IQSEC3: variants seen among roughly 807,000 people sequenced by gnomAD.
IQSEC3 encodes IQ motif and Sec7 domain ArfGEF 3.
IQSEC3 carries 50 observed loss-of-function variants against 105.4 expected under a neutral mutation model. The observed-to-expected ratio is 0.47, with a 90% CI of 0.38 to 0.60. The LOEUF is 0.60. Ranked by LOEUF, IQSEC3 falls within the 20% of genes least tolerant of loss-of-function variation. The pLI is 0.00. For synonymous variants in IQSEC3, 708 were observed against 746.0 expected (o/e 0.95, Z 0.83); for missense variants, 1,415 against 1,630.0 (o/e 0.87, Z 2.27).
At chr12:104,661 C>G (rs1347125437) in intron 2 of IQSEC3, among the ~76,000 whole-genome samples, 1 of 152,246 alleles carries the variant, frequency 6.6e-6, no homozygotes, top group East Asian at 1.9e-4. Context: ...GCCGCCCGCC[C>G]TGGTGGCCCA....
chr12:115,996 A>G (rs1410141459), intron 2 of IQSEC3, among the ~76,000 whole-genome samples: 1 of 152,184 alleles, frequency 6.6e-6, no homozygotes, highest in African/African-American at 2.4e-5. Context: ...TATTCTTCCT[A>G]CTTTTCATTT....
intron 5 of IQSEC3, among the ~76,000 whole-genome samples, chr12:156,065 G>T (rs1196184629): frequency 6.6e-6 from 1 of 152,174 alleles, no homozygotes; most frequent in Non-Finnish European, 1.5e-5. Flanking sequence ...GGACTGGGAG[G>T]GTTCGGCCTC....
rs1939201152 is a variant in IQSEC3, at chr12:175,143, CCAT to C, written c.*114_*116del. Reference sequence around the variant, plus strand: ...ACGATGCGTTCCTGGTCACTGATCACCATCATTTTGGGAAGAGAATCCCAATCC... The same window carrying C: ...ACGATGCGTTCCTGGTCACTGATCACCATTTTGGGAAGAGAATCCCAATCC... On this transcript the variant is annotated 3_prime_UTR_variant, in exon 14 of 14. Transcript: ENST00000538872. 4.5e-6 allele frequency: 4 copies of C among 882,162 alleles called. No homozygotes were observed. The highest frequency in any genetic ancestry group is 6.6e-6 in the Non-Finnish European group (4 of 602,652). The allele number at this position is 882,162 out of a possible 1,614,324, so 54.6% of individuals were successfully genotyped here. A position where few individuals can be genotyped will look rare whatever the true frequency, so the allele number is the denominator to read the frequency against.
rs782427877 is a variant in IQSEC3, at chr12:141,074, T to C, written c.1992-50T>C. The C allele has an allele frequency of 8.5e-6, 13 of 1,531,276 alleles. No homozygotes were observed. The South Asian group carries it at 1.5e-4, about 18-fold the overall frequency. The allele number at this position is 1,531,276 out of a possible 1,614,324, so 94.9% of individuals were successfully genotyped here. On this transcript the variant is annotated intron_variant, in intron 4 of 13. Coordinates refer to ENST00000538872, the MANE Select transcript of IQSEC3 (RefSeq NM_001170738.2). ...GTGGAAGACAGGGAGGAAAGAGTCA[T>C]GGATGGCTTCAGCTCACTCTCTACT... is the stretch of plus-strand genomic sequence containing the variant.
intron 2 of IQSEC3, among the ~76,000 whole-genome samples, chr12:118,898 C>T (rs11832739): frequency 0.031 from 4,791 of 152,306 alleles, 192 homozygotes; most frequent in African/African-American, 0.096. Flanking sequence ...CTCACTACCC[C>T]GAGTCAGCTC....
intron 3 of IQSEC3, among the ~76,000 whole-genome samples, chr12:133,493 G>A (rs565687117): frequency 8.5e-5 from 13 of 152,334 alleles, no homozygotes; most frequent in African/African-American, 3.1e-4. Flanking sequence ...CCCCAGATCT[G>A]CCTCTTCCTT....
chr12:124,626 C>T lies in IQSEC3; in HGVS notation c.624-1007C>T, dbSNP rs117615318. ...GAGGCCATGGTGTTAACCACGATGA[C>T]TCTCCTCCTCTGGGAAATAGACAGT... On this transcript the variant is annotated intron_variant, in intron 2 of 13. Coordinates refer to ENST00000538872, the MANE Select transcript of IQSEC3 (RefSeq NM_001170738.2). Among the ~76,000 whole-genome samples the T allele has an allele frequency of 7.1e-3, 1,075 of 152,330 alleles. 7 individuals carry two copies. Among genetic ancestry groups the T allele is most frequent in the East Asian group, 0.032 (166 of 5,170 alleles).
intron 1 of IQSEC3, among the ~76,000 whole-genome samples, chr12:97,182 C>T (rs573081551): frequency 1.3e-5 from 2 of 152,336 alleles, no homozygotes; most frequent in Non-Finnish European, 2.9e-5. Context: ...TATTCCTATG[C>T]TTTGGCTGTT....
intron 1 of IQSEC3, among the ~76,000 whole-genome samples, chr12:69,057 A>G (rs1400978773): frequency 1.3e-5 from 2 of 152,158 alleles, no homozygotes; most frequent in African/African-American, 4.8e-5. Flanking sequence ...GCAAAAGGCA[A>G]CATTGTTCCA....
intron 5 of IQSEC3, chr12:148,010 C>T (rs1298147069): frequency 6.6e-6 from 1 of 152,138 alleles, no homozygotes; most frequent in Non-Finnish European, 1.5e-5. Context: ...TGTATTAAGC[C>T]CTGTTGTATA....
At chr12:77,075 GTGGGAATTTCCTGCT>G (rs1863561855) in intron 1 of IQSEC3, among the ~76,000 whole-genome samples, 1 of 152,280 alleles carries the variant, frequency 6.6e-6, no homozygotes, top group Non-Finnish European at 1.5e-5. Context: ...TGCAAAGCGG[GTGGGAATTTCCTGCT>G]TGGGTCTAGC....
intron 1 of IQSEC3, among the ~76,000 whole-genome samples, chr12:87,214 G>A (rs1249448058): frequency 2.6e-5 from 4 of 152,020 alleles, no homozygotes; most frequent in African/African-American, 9.7e-5. Context: ...TATCAGGATG[G>A]TCATCAAGCG....
chr12:134,632 G>A (rs1237314732), intron 3 of IQSEC3, among the ~76,000 whole-genome samples: 2 of 152,184 alleles, frequency 1.3e-5, no homozygotes, highest in Admixed American at 6.5e-5. Flanking sequence ...AGTGGCCCAC[G>A]CCTGTAATCC....
chr12:127,292 G>A lies in IQSEC3; in HGVS notation c.903+1380G>A, dbSNP rs554926818. Among the ~76,000 whole-genome samples, 35 of 152,132 alleles carry A rather than the reference G, an allele frequency of 2.3e-4. No individual in the cohort carries two copies. In the South Asian group the frequency reaches 2.7e-3, roughly 12 times the overall value. On this transcript the variant is annotated intron_variant, in intron 3 of 13. Transcript: ENST00000538872. ...TCCCAGCACTTTGGGAGGCCAAGGC[G>A]GGTGGATCACGAGGCCAGGAGTTTG...
intron 2 of IQSEC3, among the ~76,000 whole-genome samples, chr12:109,535 C>G (rs1254135987): frequency 6.6e-6 from 1 of 152,174 alleles, no homozygotes; most frequent in Non-Finnish European, 1.5e-5. Flanking sequence ...TCCTGACAAA[C>G]AGCCATCTAG....
intron 2 of IQSEC3, among the ~76,000 whole-genome samples, chr12:102,603 C>G (rs1864463015): frequency 6.6e-6 from 1 of 152,196 alleles, no homozygotes; most frequent in Admixed American, 6.5e-5. Flanking sequence ...AGCCTCACCC[C>G]TCCCGAAGAG....
intron 2 of IQSEC3, among the ~76,000 whole-genome samples, chr12:105,946 T>C (rs1205226307): frequency 3.3e-5 from 5 of 152,212 alleles, no homozygotes; most frequent in African/African-American, 7.2e-5. Flanking sequence ...TGCCCTCAAA[T>C]TGCTGCTCGT....
chr12:110,293 C>A (rs185997518), intron 2 of IQSEC3, among the ~76,000 whole-genome samples: 223 of 152,182 alleles, frequency 1.5e-3, no homozygotes, highest in South Asian at 0.013. Context: ...TAATATCAGG[C>A]CAGCTTTTGT....
At chr12:87,700 A>C (rs1395685188) in intron 1 of IQSEC3, among the ~76,000 whole-genome samples, 4 of 152,212 alleles carry the variant, frequency 2.6e-5, no homozygotes, top group Admixed American at 2.6e-4. Flanking sequence ...ATGCTGAAGA[A>C]AAAGGGCCTA....
Sources: gnomAD v4.1 joint callset for allele counts (sites outside exome capture counted in the v4.1 genomes callset) on GRCh38, gnomAD v4.1.1 for gene constraint, MANE v1.5 for transcripts, NCBI Gene and HGNC (gene_info 2026-07-23, HGNC 2026-07-21) for gene names.